Variants in MYO10 observed in about 807,000 individuals in gnomAD.
MYO10 encodes the protein unconventional myosin-X.
MYO10 carries 133 observed loss-of-function variants against 257.3 expected under a neutral mutation model. The ratio of observed to expected loss-of-function variants is 0.52; its 90% confidence interval spans 0.45 to 0.60. MYO10 has a LOEUF of 0.60. Ranked by LOEUF, MYO10 falls within the 20% of genes least tolerant of loss-of-function variation. The pLI is 0.00. For missense variants in MYO10, 2,399 were observed against 2,635.7 expected (o/e 0.91, Z 1.97); for synonymous variants, 1,104 against 1,028.6 (o/e 1.07, Z -1.40).
intron 19 of MYO10, among the ~76,000 whole-genome samples, chr5:16,717,143 TG>T (rs1215222070): frequency 3.9e-5 from 6 of 152,206 alleles, no homozygotes. Context: ...GGCCTTAAAC[TG>T]GTTTTAACAT....
chr5:16,799,202 A>G (rs1170524343), intron 3 of MYO10, among the ~76,000 whole-genome samples: 1 of 127,906 alleles, frequency 7.8e-6, no homozygotes, highest in Non-Finnish European at 1.8e-5. Flanking sequence ...GCCATAGAGC[A>G]TCCTTTTAAG....
chr5:16,830,265 A>G (rs936680960), intron 2 of MYO10, among the ~76,000 whole-genome samples: 1 of 151,996 alleles, frequency 6.6e-6, no homozygotes, highest in African/African-American at 2.4e-5. Context: ...CAGACCTCAA[A>G]TTTGTATTTA....
chr5:16,920,841 G>A (rs1745959993), intron 1 of MYO10, among the ~76,000 whole-genome samples: 1 of 152,174 alleles, frequency 6.6e-6, no homozygotes, highest in African/African-American at 2.4e-5. Context: ...GAATAGGCCG[G>A]GTGCGGTGGC....
rs1239494369 is a variant in MYO10 at position 16,699,317 on chromosome 5, G to A, written c.3556+133C>T. ...ACACTGAGGTAAGGGTAGGTAGAAC[G>A]ACTTTCCCAGTCCCCATCCATCAGC... On this transcript the variant is annotated intron_variant, in intron 26 of 40. Transcript: ENST00000513610. The A allele has an allele frequency of 1.1e-5, 13 of 1,215,016 alleles. 1 individual carries two copies. Among genetic ancestry groups the A allele is most frequent in the African/African-American group, 3.1e-5 (2 of 65,024 alleles). The allele number at this position is 1,215,016 out of a possible 1,614,324, so 75.3% of individuals were successfully genotyped here. A position where few individuals can be genotyped will look rare whatever the true frequency, so the allele number is the denominator to read the frequency against.
intron 3 of MYO10, among the ~76,000 whole-genome samples, chr5:16,805,936 C>T (rs193113992): frequency 1.3e-5 from 2 of 152,280 alleles, no homozygotes; most frequent in African/African-American, 4.8e-5. Context: ...GGGTATAACA[C>T]CTAGTGTCAA....
At chr5:16,704,543 G>A (rs753266959) in intron 22 of MYO10, 36 bp downstream of exon 22, 27 of 1,565,838 alleles carry the variant, frequency 1.7e-5, no homozygotes, top group Admixed American at 3.4e-5. Context: ...CCCTCATGGA[G>A]CTTCCTGCCT....
rs1042324357 is a variant in MYO10 at position 16,666,403 on chromosome 5, C to T, written c.*289G>A. The T allele has an allele frequency of 1.1e-5, 4 of 356,598 alleles. No homozygotes were observed. Among genetic ancestry groups the T allele is most frequent in the Admixed American group, 4.5e-5 (1 of 22,240 alleles). 22.1% of individuals were successfully genotyped at this position (356,598 alleles called of 1,614,324 possible). A position where few individuals can be genotyped will look rare whatever the true frequency, so the allele number is the denominator to read the frequency against. On this transcript the variant is annotated 3_prime_UTR_variant, in exon 41 of 41. Coordinates refer to ENST00000513610, the MANE Select transcript of MYO10 (RefSeq NM_012334.3). ...TTGGTTCCACAAGTTAAGGCACTTCCGGCTGCTTTGGTGGCAGCGTGGTTC... is the reference window on the plus strand; with the variant it reads ...TTGGTTCCACAAGTTAAGGCACTTCTGGCTGCTTTGGTGGCAGCGTGGTTC...
intron 14 of MYO10, 25 bp from the exon 15 acceptor site, chr5:16,762,662 A>C (rs1053177831): frequency 6.5e-7 from 1 of 1,537,514 alleles, no homozygotes; most frequent in African/African-American, 1.4e-5. Context: ...AGAAAAAATG[A>C]ATTAAAAGTT....
intron 19 of MYO10, chr5:16,738,252 G>T: frequency 1.0e-6 from 1 of 985,418 alleles, no homozygotes; most frequent in South Asian, 4.7e-5. Flanking sequence ...AGAGGAGGAG[G>T]GGTGGTCAGA....
At chr5:16,685,874 G>T in intron 28 of MYO10, 43 bp from the exon 29 acceptor site, 1 of 1,486,574 alleles carries the variant, frequency 6.7e-7, no homozygotes, top group Non-Finnish European at 9.2e-7. Flanking sequence ...GGCCAACCTC[G>T]TACTGGCAAA....
At chr5:16,683,981 AG>A in intron 29 of MYO10, 46 bp from the exon 30 acceptor site, 1 of 1,573,744 alleles carries the variant, frequency 6.4e-7, no homozygotes, top group South Asian at 1.1e-5. Context: ...GCACTAAAGT[AG>A]GGTGCACACT....
At chr5:16,722,080 C>A (rs999368037) in intron 19 of MYO10, among the ~76,000 whole-genome samples, 3 of 152,300 alleles carry the variant, frequency 2.0e-5, no homozygotes, top group Middle Eastern at 3.4e-3. Context: ...GGCCTCTCCA[C>A]CTGAAATGTA....
intron 1 of MYO10, among the ~76,000 whole-genome samples, chr5:16,923,391 A>G (rs1383286372): frequency 3.3e-5 from 5 of 151,184 alleles, no homozygotes; most frequent in Admixed American, 6.6e-5. Flanking sequence ...GGTTCATGCC[A>G]TTCTCCTGCC....
rs1475779255 is a variant in MYO10, at chr5:16,676,856, A to T, written c.4543-702T>A. On this transcript the variant is annotated intron_variant, in intron 33 of 40. Transcript: ENST00000513610. ...CTGTCTCTATAAAAAATAAGAGAGC[A>T]AAATAAAAAAAATTAATCTGATCTT... Among the ~76,000 whole-genome samples, 3 of 152,352 alleles carry T rather than the reference A, an allele frequency of 2.0e-5. No homozygotes were observed. In the East Asian group the frequency reaches 5.8e-4, roughly 29 times the overall value.
At chr5:16,837,035 G>A (rs1427416702) in intron 2 of MYO10, among the ~76,000 whole-genome samples, 1 of 152,214 alleles carries the variant, frequency 6.6e-6, no homozygotes, top group Non-Finnish European at 1.5e-5. Context: ...GATAGGCAGG[G>A]AGAGGTGGCT....
rs1336839995 is a variant in MYO10 at position 16,672,842 on chromosome 5, G to A, written c.5173-17C>T. On this transcript the variant is annotated splice_polypyrimidine_tract_variant and intron_variant, in intron 36 of 40. Coordinates refer to ENST00000513610, the MANE Select transcript of MYO10 (RefSeq NM_012334.3). ...CTCCACCACCTGGAAGACACACCAGGGGGACTTCAGTTCCACAGGCTGCGG... is the reference window on the plus strand; with the variant it reads ...CTCCACCACCTGGAAGACACACCAGAGGGACTTCAGTTCCACAGGCTGCGG... 6.2e-7 allele frequency: 1 copy of A among 1,610,326 alleles called. No individual in the cohort carries two copies. Among genetic ancestry groups the A allele is most frequent in the African/African-American group, 1.3e-5 (1 of 74,864 alleles).
intron 1 of MYO10, among the ~76,000 whole-genome samples, chr5:16,882,056 TGTGA>T (rs1429968094): frequency 6.6e-6 from 1 of 152,216 alleles, no homozygotes; most frequent in African/African-American, 2.4e-5. Flanking sequence ...GAGACAAATA[TGTGA>T]GTGTTAATAT....
At chr5:16,777,908 G>A (rs1741271693) in intron 9 of MYO10, among the ~76,000 whole-genome samples, 3 of 136,218 alleles carry the variant, frequency 2.2e-5, no homozygotes, top group Admixed American at 8.1e-5. Flanking sequence ...GAGTGCAAAG[G>A]CGTGATCTCA....
intron 6 of MYO10, among the ~76,000 whole-genome samples, chr5:16,781,118 C>T (rs1172783639): frequency 2.7e-5 from 4 of 150,826 alleles, no homozygotes; most frequent in Non-Finnish European, 5.9e-5. Flanking sequence ...CTCGCTCTCT[C>T]GCCCAGGCTG....
Sources: allele counts gnomAD v4.1 joint callset (sites outside exome capture counted in the v4.1 genomes callset), GRCh38; gene constraint gnomAD v4.1.1; transcripts MANE v1.5; gene names NCBI Gene and HGNC (gene_info 2026-07-23, HGNC 2026-07-21).